PLXDC2: variants seen among roughly 807,000 people sequenced by gnomAD.
The protein encoded by PLXDC2 is plexin domain-containing protein 2.
A neutral mutation model predicts 68.9 loss-of-function variants in PLXDC2; 40 were observed. The ratio of observed to expected loss-of-function variants is 0.58; its 90% CI spans 0.45 to 0.76. The LOEUF (loss-of-function observed/expected upper bound fraction) is 0.76. PLXDC2 is among the 30% of genes least tolerant of loss of function. The probability of loss-of-function intolerance (pLI) is 0.00; values close to 1 mark genes in which losing one functional copy is unlikely to be tolerated. For synonymous variants in PLXDC2, 243 were observed against 234.2 expected, an observed-to-expected ratio of 1.04 and a Z score of -0.34; for missense variants, 644 against 661.9, an observed-to-expected ratio of 0.97 and a Z score of 0.30.
chr10:20,147,756 A>G (rs1015189273), intron 5 of PLXDC2, 28 bp from the exon 6 acceptor site: 8 of 1,386,562 alleles, frequency 5.8e-6, no homozygotes, highest in Non-Finnish European at 8.0e-6. Context: ...TTCTCATTGC[A>G]TTTCTTCTTT....
chr10:20,223,152 C>A, intron 12 of PLXDC2, among the ~76,000 whole-genome samples: 1 of 152,104 alleles, frequency 6.6e-6, no homozygotes, highest in South Asian at 2.1e-4. Flanking sequence ...CTGACTTGGT[C>A]TATTATTATT....
intron 1 of PLXDC2, among the ~76,000 whole-genome samples, chr10:19,824,109 A>T (rs1326862132): frequency 4.6e-5 from 7 of 152,234 alleles, no homozygotes; most frequent in South Asian, 2.1e-4. Context: ...CCAAGATATT[A>T]TGCCATGAGA....
chr10:20,205,768 T>G (rs1834982533), intron 9 of PLXDC2, among the ~76,000 whole-genome samples: 2 of 152,070 alleles, frequency 1.3e-5, no homozygotes, highest in South Asian at 4.1e-4. Flanking sequence ...ATACTGAACT[T>G]TTAATCCTTA....
chr10:19,987,894 T>C (rs1440909997), intron 1 of PLXDC2, among the ~76,000 whole-genome samples: 2 of 152,176 alleles, frequency 1.3e-5, no homozygotes, highest in African/African-American at 4.8e-5. Flanking sequence ...ATTTTACATT[T>C]TTGTTAACAG....
chr10:19,826,193 G>A (rs190762289), intron 1 of PLXDC2, among the ~76,000 whole-genome samples: 1 of 152,152 alleles, frequency 6.6e-6, no homozygotes, highest in Non-Finnish European at 1.5e-5. Context: ...TATTTTGCCA[G>A]TCCGTAGTTT....
chr10:20,061,303 A>G (rs1043692195), intron 3 of PLXDC2, among the ~76,000 whole-genome samples: 1 of 152,194 alleles, frequency 6.6e-6, no homozygotes, highest in African/African-American at 2.4e-5. Flanking sequence ...TTTGCCTTTC[A>G]TAAACATGAC....
chr10:19,968,844 A>G (rs955131559), intron 1 of PLXDC2, among the ~76,000 whole-genome samples: 2 of 152,220 alleles, frequency 1.3e-5, no homozygotes, highest in Non-Finnish European at 2.9e-5. Flanking sequence ...AACAGATGGC[A>G]TAACCCAGTG....
chr10:19,986,352 TCA>T (rs1834639354), intron 1 of PLXDC2, among the ~76,000 whole-genome samples: 1 of 152,094 alleles, frequency 6.6e-6, no homozygotes, highest in East Asian at 1.9e-4. Flanking sequence ...GAAAATTAAA[TCA>T]GTTTTCTAAA....
intron 1 of PLXDC2, among the ~76,000 whole-genome samples, chr10:19,866,866 G>T (rs1837425957): frequency 6.6e-6 from 1 of 152,088 alleles, no homozygotes. Flanking sequence ...CTTCAAGTGG[G>T]GTCTTACAGG....
At chr10:20,151,468 G>A (rs4631777) in intron 6 of PLXDC2, among the ~76,000 whole-genome samples, 92,112 of 151,910 alleles carry the variant, frequency 0.61, 28,327 homozygotes, top group Middle Eastern at 0.69. Context: ...TAGCTGAGCA[G>A]GGTAAGTCAG....
intron 2 of PLXDC2, among the ~76,000 whole-genome samples, chr10:20,004,946 C>T (rs1031483507): frequency 1.3e-5 from 2 of 152,154 alleles, no homozygotes; most frequent in African/African-American, 2.4e-5. Flanking sequence ...CTGCCAGGTA[C>T]TGTGTGGATG....
chr10:20,025,894 TTAAC>T (rs1427242166), intron 2 of PLXDC2, among the ~76,000 whole-genome samples: 1 of 151,296 alleles, frequency 6.6e-6, no homozygotes, highest in Non-Finnish European at 1.5e-5. Context: ...TATATATTAA[TTAAC>T]TAAATTTATT....
chr10:19,855,001 CT>C (rs898746146), intron 1 of PLXDC2, among the ~76,000 whole-genome samples: 1 of 152,158 alleles, frequency 6.6e-6, no homozygotes, highest in Admixed American at 6.5e-5. Flanking sequence ...CTTAAAATCA[CT>C]TTTGTTATTA....
At chr10:19,858,947 T>C (rs1198513828) in intron 1 of PLXDC2, among the ~76,000 whole-genome samples, 1 of 151,256 alleles carries the variant, frequency 6.6e-6, no homozygotes, top group Non-Finnish European at 1.5e-5. Context: ...CTACATCTGA[T>C]GAAGGCTTCA....
At chr10:20,115,096 T>C (rs1833605142) in intron 4 of PLXDC2, among the ~76,000 whole-genome samples, 1 of 152,232 alleles carries the variant, frequency 6.6e-6, no homozygotes, top group Admixed American at 6.5e-5. Flanking sequence ...ATTGGGGATT[T>C]GTCATTTTTG....
At position 20,158,431 on chromosome 10, in the gene PLXDC2, A is replaced by C. The variant is rs114996253; in HGVS notation, c.784-6037A>C. On this transcript the variant is annotated intron_variant, in intron 6 of 13. Coordinates refer to ENST00000377252, the MANE Select transcript of PLXDC2 (RefSeq NM_032812.9). ...TATACATACACATATGCACACACATAATGTCTTTGTTATTAGTCAAAAAGA... is the reference window on the plus strand; with the variant it reads ...TATACATACACATATGCACACACATCATGTCTTTGTTATTAGTCAAAAAGA... Among the ~76,000 whole-genome samples, 201 of 151,152 alleles carry C rather than the reference A, an allele frequency of 1.3e-3. 1 individual carries two copies. Among genetic ancestry groups the C allele is most frequent in the African/African-American group, 4.8e-3 (196 of 41,214 alleles).
intron 9 of PLXDC2, among the ~76,000 whole-genome samples, chr10:20,208,643 G>T (rs771789963): frequency 6.6e-6 from 1 of 152,078 alleles, no homozygotes; most frequent in Non-Finnish European, 1.5e-5. Context: ...AGATATAGTG[G>T]ATATTATGAT....
intron 1 of PLXDC2, among the ~76,000 whole-genome samples, chr10:19,995,567 C>T (rs1834830620): frequency 3.3e-5 from 5 of 152,192 alleles, no homozygotes; most frequent in Admixed American, 3.3e-4. Flanking sequence ...GGTTTAGGCA[C>T]TGTGAGCCAC....
intron 1 of PLXDC2, among the ~76,000 whole-genome samples, chr10:19,989,733 A>G (rs573736290): frequency 2.1e-4 from 30 of 145,312 alleles, no homozygotes; most frequent in African/African-American, 7.2e-4. Context: ...GAGTCCTTCA[A>G]TTTTTTTACT....
Sources: allele counts gnomAD v4.1 joint callset (sites outside exome capture counted in the v4.1 genomes callset), GRCh38; gene constraint gnomAD v4.1.1; transcripts MANE v1.5; gene names NCBI Gene and HGNC (gene_info 2026-07-23, HGNC 2026-07-21).